Variants in ZNF385B observed in about 807,000 individuals in gnomAD.
The protein encoded by ZNF385B is zinc finger protein 533.
In ZNF385B, 23 loss-of-function variants were observed where a neutral mutation model predicts 39.2. That is an observed-to-expected ratio of 0.59 (90% CI 0.42 to 0.83). The LOEUF is 0.83. Ranked by LOEUF, ZNF385B falls within the 40% of genes least tolerant of loss-of-function variation. The pLI, the probability that ZNF385B is intolerant of heterozygous loss-of-function variation, is 0.00. For synonymous variants in ZNF385B, 205 were observed against 222.6 expected (o/e 0.92, Z 0.70); for missense variants, 552 against 598.9 (o/e 0.92, Z 0.82).
chr2:179,820,441 TAGTC>T (rs1641418189), intron 1 of ZNF385B, among the ~76,000 whole-genome samples: 1 of 152,040 alleles, frequency 6.6e-6, no homozygotes, highest in African/African-American at 2.4e-5. Context: ...AAACCAGGCT[TAGTC>T]AGTTCTATTG....
intron 3 of ZNF385B, among the ~76,000 whole-genome samples, chr2:179,752,215 G>C (rs1702721622): frequency 6.6e-6 from 1 of 152,092 alleles, no homozygotes; most frequent in South Asian, 2.1e-4. Context: ...ATAGTTTGCT[G>C]AGAATGATGG....
At chr2:179,524,908 G>A (rs2058790221) in intron 4 of ZNF385B, among the ~76,000 whole-genome samples, 1 of 151,994 alleles carries the variant, frequency 6.6e-6, no homozygotes, top group Non-Finnish European at 1.5e-5. Context: ...TTCTAGCTGT[G>A]TAATAACAAT....
At chr2:179,529,309 C>G (rs1025180257) in intron 4 of ZNF385B, among the ~76,000 whole-genome samples, 7 of 152,062 alleles carry the variant, frequency 4.6e-5, no homozygotes, top group African/African-American at 1.7e-4. Flanking sequence ...CTGTGCTTTT[C>G]TTTGTTTGTT....
At chr2:179,830,060 G>T (rs1424203257) in intron 1 of ZNF385B, among the ~76,000 whole-genome samples, 8 of 152,200 alleles carry the variant, frequency 5.3e-5, no homozygotes, top group Non-Finnish European at 8.8e-5. Context: ...AAAATGATCT[G>T]CATAGGCACC....
chr2:179,493,775 G>GTATACATATGTGTA (rs1559338211), intron 5 of ZNF385B, among the ~76,000 whole-genome samples: 6 of 77,786 alleles, frequency 7.7e-5, no homozygotes, highest in African/African-American at 1.3e-4. Context: ...ATACATATAT[G>GTATACATATGTGTA]TATATACACA....
intron 3 of ZNF385B, among the ~76,000 whole-genome samples, chr2:179,568,550 G>A (rs1037314832): frequency 6.6e-6 from 1 of 152,158 alleles, no homozygotes; most frequent in Non-Finnish European, 1.5e-5. Flanking sequence ...TAGTATTAGT[G>A]TTATTTTTTC....
At chr2:179,677,850 A>G (rs908477296) in intron 3 of ZNF385B, among the ~76,000 whole-genome samples, 2 of 152,110 alleles carry the variant, frequency 1.3e-5, no homozygotes, top group African/African-American at 4.8e-5. Context: ...TTTTTACAGA[A>G]TTGTGTTATT....
At chr2:179,822,121 T>C (rs1203352713) in intron 1 of ZNF385B, among the ~76,000 whole-genome samples, 3 of 152,212 alleles carry the variant, frequency 2.0e-5, no homozygotes, top group Non-Finnish European at 4.4e-5. Context: ...TCCTACACAA[T>C]AGGTTCCTAA....
intron 3 of ZNF385B, among the ~76,000 whole-genome samples, chr2:179,755,298 A>T (rs1409033473): frequency 6.6e-6 from 1 of 152,194 alleles, no homozygotes; most frequent in East Asian, 1.9e-4. Context: ...TCTGAGAGAC[A>T]GTTTGTTATA....
chr2:179,636,385 C>T (rs1308787195), intron 3 of ZNF385B, among the ~76,000 whole-genome samples: 1 of 152,152 alleles, frequency 6.6e-6, no homozygotes, highest in Non-Finnish European at 1.5e-5. Context: ...AATTTATGCA[C>T]ATCCCACTAA....
intron 3 of ZNF385B, among the ~76,000 whole-genome samples, chr2:179,714,605 GACA>G (rs781019168): frequency 3.3e-5 from 5 of 152,094 alleles, no homozygotes; most frequent in Non-Finnish European, 7.4e-5. Context: ...TAAAATTTAG[GACA>G]ACATCTATGA....
chr2:179,807,683 C>G (rs1341312080), intron 1 of ZNF385B, among the ~76,000 whole-genome samples: 2 of 151,916 alleles, frequency 1.3e-5, no homozygotes. Context: ...ATCATAAGGT[C>G]AGGAGATCGA....
chr2:179,822,379 A>G (rs1032792603), intron 1 of ZNF385B, among the ~76,000 whole-genome samples: 1 of 152,274 alleles, frequency 6.6e-6, no homozygotes, highest in Admixed American at 6.5e-5. Flanking sequence ...TTGCTAAAGT[A>G]CTTTAACATT....
rs1045918700 is a variant in ZNF385B at position 179,701,890 on chromosome 2, G to A, written c.298+67613C>T. On this transcript the variant is annotated intron_variant, in intron 3 of 9. Transcript: ENST00000410066. ...GCTCTTCCACATATAAAGGTATCCC[G>A]TGGAAAGGAATGGGCACCAATCCAA... is the stretch of plus-strand genomic sequence containing the variant. Among the ~76,000 whole-genome samples, 6 of 152,140 alleles carry A rather than the reference G, an allele frequency of 3.9e-5. No homozygotes were observed. In the East Asian group the frequency reaches 5.8e-4, roughly 15 times the overall value.
chr2:179,599,604 C>A (rs186696133), intron 3 of ZNF385B, among the ~76,000 whole-genome samples: 1 of 152,198 alleles, frequency 6.6e-6, no homozygotes, highest in Non-Finnish European at 1.5e-5. Flanking sequence ...ATGTCATGGC[C>A]TTCCATGTCG....
intron 3 of ZNF385B, among the ~76,000 whole-genome samples, chr2:179,591,934 A>C (rs1410833114): frequency 6.6e-6 from 1 of 152,070 alleles, no homozygotes; most frequent in Non-Finnish European, 1.5e-5. Flanking sequence ...CTTTTTCCTT[A>C]GTGAAAAACA....
intron 3 of ZNF385B, among the ~76,000 whole-genome samples, chr2:179,748,687 A>T (rs576524025): frequency 7.5e-4 from 115 of 152,328 alleles, no homozygotes; most frequent in Admixed American, 1.5e-3. Flanking sequence ...TTTTAAAAAC[A>T]AATGTTCTCA....
chr2:179,752,981 T>C (rs930036085), intron 3 of ZNF385B, among the ~76,000 whole-genome samples: 8 of 152,234 alleles, frequency 5.3e-5, no homozygotes, highest in African/African-American at 1.7e-4. Context: ...CCATTGCTTT[T>C]GGTGTTTTAG....
At chr2:179,628,745 G>T (rs1353041789) in intron 3 of ZNF385B, among the ~76,000 whole-genome samples, 1 of 152,128 alleles carries the variant, frequency 6.6e-6, no homozygotes, top group African/African-American at 2.4e-5. Context: ...GATGGTTTAG[G>T]TCTTTTTTTC....
Sources: allele counts gnomAD v4.1 joint callset (sites outside exome capture counted in the v4.1 genomes callset), GRCh38; gene constraint gnomAD v4.1.1; transcripts MANE v1.5; gene names NCBI Gene and HGNC (gene_info 2026-07-23, HGNC 2026-07-21).